The following DOCK8 variants were observed in gnomAD, a reference collection of about 807,000 sequenced individuals.
The protein encoded by DOCK8 is dedicator of cytokinesis 8, also known as dedicator of cytokinesis protein 8.
A neutral mutation model predicts 245.6 loss-of-function variants in DOCK8; 141 were observed. The observed-to-expected ratio is 0.57, with a 90% CI of 0.50 to 0.66. The LOEUF is 0.66. Ranked by LOEUF, DOCK8 falls within the 30% of genes least tolerant of loss-of-function variation. The probability of loss-of-function intolerance (pLI) is 0.00; values close to 1 mark genes in which losing one functional copy is unlikely to be tolerated. For synonymous variants in DOCK8, 1,168 were observed against 970.2 expected (o/e 1.20, Z -3.79); for missense variants, 2,965 against 2,603.4 (o/e 1.14, Z -3.02).
At chr9:357,594 T>C (rs1288370485) in intron 14 of DOCK8, among the ~76,000 whole-genome samples, 7 of 152,214 alleles carry the variant, frequency 4.6e-5, no homozygotes. Context: ...ACCATTTTTT[T>C]TTTCTGGCGT....
intron 36 of DOCK8, among the ~76,000 whole-genome samples, chr9:430,589 C>T (rs1440963233): frequency 2.0e-5 from 3 of 149,884 alleles, no homozygotes; most frequent in East Asian, 2.0e-4. Context: ...GGCTGAGGCA[C>T]GAGAATCGCT....
At chr9:282,447 G>C (rs1298511631) in intron 2 of DOCK8, among the ~76,000 whole-genome samples, 1 of 149,574 alleles carries the variant, frequency 6.7e-6, no homozygotes, top group Non-Finnish European at 1.5e-5. Context: ...TAGAGACAGG[G>C]TCTTCCTGTC....
chr9:317,819 A>G (rs931975582), intron 7 of DOCK8, among the ~76,000 whole-genome samples: 2 of 152,342 alleles, frequency 1.3e-5, no homozygotes, highest in East Asian at 3.9e-4. Flanking sequence ...ATTTTTCTGC[A>G]TAATATACCG....
chr9:311,331 C>T lies in DOCK8; in HGVS notation c.529-623C>T, dbSNP rs544634497. Among the ~76,000 whole-genome samples the T allele has an allele frequency of 5.3e-5, 8 of 151,118 alleles. No individual in the cohort carries two copies. In the East Asian group the frequency reaches 7.8e-4, roughly 15 times the overall value. ...CATACCTCACTGCAGCCTTGAACTCCTGGGCGGGGTTCAAGCAGTCTTCCT... is the reference window on the plus strand; with the variant it reads ...CATACCTCACTGCAGCCTTGAACTCTTGGGCGGGGTTCAAGCAGTCTTCCT... On this transcript the variant is annotated intron_variant, in intron 5 of 47. Transcript: ENST00000432829.
chr9:410,053 G>A (rs1383206511), intron 28 of DOCK8, among the ~76,000 whole-genome samples: 5 of 152,026 alleles, frequency 3.3e-5, no homozygotes, highest in African/African-American at 1.2e-4. Context: ...TATGTTTATT[G>A]CGGCAAGATG....
chr9:412,418 A>G (rs1180749290), intron 28 of DOCK8, among the ~76,000 whole-genome samples: 6 of 151,526 alleles, frequency 4.0e-5, no homozygotes, highest in Admixed American at 3.9e-4. Flanking sequence ...AAAAAAAAAA[A>G]AAAGAAAAAG....
rs748520804 is a variant in DOCK8 at position 215,145 on chromosome 9, G to T, written c.53+116G>T. ...AGTCCATTCGCGTCCGCGGCGGGGC[G>T]CGCCTGAGACCTGGGGCGCCCGGTT... On this transcript the variant is annotated intron_variant, in intron 1 of 47. Coordinates refer to ENST00000432829, the MANE Select transcript of DOCK8 (RefSeq NM_203447.4). The T allele has an allele frequency of 4.1e-6, 6 of 1,465,428 alleles. No homozygotes were observed. In the South Asian group the frequency reaches 6.8e-5, roughly 17 times the overall value. The allele number at this position is 1,465,428 out of a possible 1,614,324, so 90.8% of individuals were successfully genotyped here.
At chr9:453,356 G>C (rs946068871) in intron 46 of DOCK8, among the ~76,000 whole-genome samples, 9 of 152,106 alleles carry the variant, frequency 5.9e-5, no homozygotes, top group African/African-American at 9.7e-5. Context: ...AAAACTAGTT[G>C]TTGTTGTTGT....
At chr9:411,447 T>G (rs1011749217) in intron 28 of DOCK8, among the ~76,000 whole-genome samples, 1 of 151,802 alleles carries the variant, frequency 6.6e-6, no homozygotes, top group Non-Finnish European at 1.5e-5. Context: ...TATTTTAAAA[T>G]TTAAAACTTC....
chr9:333,351 C>T (rs1049067772), intron 10 of DOCK8, among the ~76,000 whole-genome samples: 1 of 152,192 alleles, frequency 6.6e-6, no homozygotes, highest in Non-Finnish European at 1.5e-5. Flanking sequence ...CCTGTAATCC[C>T]AGCACTTTGG....
At chr9:454,235 AG>A (rs1230010009) in intron 46 of DOCK8, 2 of 152,218 alleles carry the variant, frequency 1.3e-5, no homozygotes, top group Non-Finnish European at 1.5e-5. Flanking sequence ...TATCACTTTC[AG>A]CTGCTTTAGT....
intron 32 of DOCK8, 61 bp from the exon 33 acceptor site, chr9:421,987 C>G: frequency 7.1e-7 from 1 of 1,414,744 alleles, no homozygotes; most frequent in Non-Finnish European, 1.0e-6. Context: ...TTATGAACTT[C>G]TGGTTATCTT....
intron 21 of DOCK8, among the ~76,000 whole-genome samples, 182 bp from the exon 22 acceptor site, chr9:382,331 C>A (rs2053753383): frequency 6.6e-6 from 1 of 152,132 alleles, no homozygotes; most frequent in Non-Finnish European, 1.5e-5. Context: ...TGCCTTATGC[C>A]CCATCTACTT....
At chr9:384,932 T>TA (rs2053887873) in intron 22 of DOCK8, among the ~76,000 whole-genome samples, 1 of 152,032 alleles carries the variant, frequency 6.6e-6, no homozygotes, top group African/African-American at 2.4e-5. Context: ...TAAAAATAAA[T>TA]AAAAAATAAA....
At chr9:269,730 G>A (rs779427063) in intron 1 of DOCK8, among the ~76,000 whole-genome samples, 1 of 151,610 alleles carries the variant, frequency 6.6e-6, no homozygotes, top group Non-Finnish European at 1.5e-5. Context: ...TAATTTTTTT[G>A]TATTTTTAGT....
chr9:322,405 A>G (rs1427062751), intron 7 of DOCK8, among the ~76,000 whole-genome samples: 1 of 140,848 alleles, frequency 7.1e-6, no homozygotes, highest in Non-Finnish European at 1.6e-5. Context: ...TGGGCTCAAA[A>G]CCTGACCGAA....
In DOCK8 at chr9:290,431, C is replaced by A. The variant is rs187153268; in HGVS notation, c.404+850C>A. 2.0e-5 allele frequency among the ~76,000 whole-genome samples: 3 copies of A among 152,250 alleles called. No individual in the cohort carries two copies. In the East Asian group the frequency reaches 5.8e-4, roughly 29 times the overall value. ...TGTTGTCTTCTAATTCTGATGAATT[C>A]CCAGGGGGAAAAATTAAGTGAATTG... On this transcript the variant is annotated intron_variant, in intron 4 of 47. Transcript: ENST00000432829.
chr9:363,174 G>A (rs1031651018), intron 14 of DOCK8, among the ~76,000 whole-genome samples: 10 of 152,194 alleles, frequency 6.6e-5, no homozygotes, highest in Admixed American at 2.6e-4. Context: ...CAATGCGGTG[G>A]TATATGTGAC....
At chr9:286,260 T>C (rs1022865499) in intron 2 of DOCK8, among the ~76,000 whole-genome samples, 4 of 152,234 alleles carry the variant, frequency 2.6e-5, no homozygotes, top group African/African-American at 7.2e-5. Context: ...CATCATGTTA[T>C]GACTTGACTT....
Sources: allele counts gnomAD v4.1 joint callset (sites outside exome capture counted in the v4.1 genomes callset), GRCh38; gene constraint gnomAD v4.1.1; transcripts MANE v1.5; gene names NCBI Gene and HGNC (gene_info 2026-07-23, HGNC 2026-07-21).